Variants in PRH1 observed in about 807,000 individuals in gnomAD.
PRH1 encodes the protein proline rich protein HaeIII subfamily 1.
Under a neutral mutation model 7.9 loss-of-function variants are expected in PRH1, and 7 were observed. The observed-to-expected ratio is 0.89, with a 90% CI of 0.50 to 1.67. PRH1 has a LOEUF of 1.67. Ranked by LOEUF, PRH1 falls within the 40% of genes most tolerant of loss-of-function variation. The pLI is 0.00. For synonymous variants in PRH1, 45 were observed against 80.8 expected (o/e 0.56, Z 2.38); for missense variants, 109 against 223.6 (o/e 0.49, Z 3.27).
intron 2 of PRH1, among the ~76,000 whole-genome samples, chr12:10,913,511 T>C (rs1188052835): frequency 6.6e-6 from 1 of 152,212 alleles, no homozygotes; most frequent in African/African-American, 2.4e-5. Flanking sequence ...TTATTTTTGT[T>C]AGTGTTTTAT....
chr12:11,031,413 T>C, intron 1 of PRH1: 1 of 1,519,314 alleles, frequency 6.6e-7, no homozygotes. Context: ...GTTCGTGGTC[T>C]CCCTGACTTC....
upstream of PRH1, among the ~76,000 whole-genome samples, chr12:10,886,052 T>C (rs1195792231): frequency 6.6e-6 from 1 of 152,204 alleles, no homozygotes; most frequent in Non-Finnish European, 1.5e-5. Flanking sequence ...CATTCTTAAT[T>C]GGCAATTCTT....
intron 1 of PRH1, among the ~76,000 whole-genome samples, chr12:10,990,842 C>G (rs143257368): frequency 1.3e-5 from 2 of 152,050 alleles, no homozygotes; most frequent in Admixed American, 1.3e-4. Flanking sequence ...TTTGCTGATG[C>G]CTTAGAGATG....
Position 11,097,214 on chromosome 12 carries a change from T to C in PRH1, n.124-50026A>G, listed in dbSNP as rs528283290. ...ACAAATGAAGGACATCTGATATAAG[T>C]AGACTTTAAGTCCCATGGAAACAAA... is the stretch of plus-strand genomic sequence containing the variant. On this transcript the variant is annotated intron_variant and non_coding_transcript_variant, in intron 1 of 4. Transcript: ENST00000541977. 2.1e-4 allele frequency: 53 copies of C among 257,150 alleles called. 5 individuals are homozygous for C. In the East Asian group the frequency reaches 3.7e-3, roughly 18 times the overall value. 15.9% of individuals were successfully genotyped at this position (257,150 alleles called of 1,614,324 possible). A position where few individuals can be genotyped will look rare whatever the true frequency, so the allele number is the denominator to read the frequency against.
chr12:10,905,493 C>T lies in PRH1; in HGVS notation c.-58-21218G>A, dbSNP rs533875970. 7.9e-5 allele frequency among the ~76,000 whole-genome samples: 12 copies of T among 152,206 alleles called. 1 individual carries two copies. In the South Asian group the frequency reaches 2.5e-3, roughly 32 times the overall value. On this transcript the variant is annotated intron_variant, in intron 2 of 3. Coordinates refer to the PRH1 transcript ENST00000539853. The stretch of plus-strand genomic sequence containing the variant: ...CCAGCCTGGCCAACATGGTGAAACT[C>T]TGTCTCTACTAAAAATACAAAAATT...
chr12:11,047,339 C>A, upstream of PRH1: 1 of 206,666 alleles, frequency 4.8e-6, no homozygotes, highest in East Asian at 9.7e-5. Flanking sequence ...ATGTTTCATT[C>A]AATTGTGATC....
intron 1 of PRH1, 121 bp downstream of exon 1, chr12:10,884,033 T>A: frequency 8.6e-7 from 1 of 1,168,502 alleles, no homozygotes; most frequent in Non-Finnish European, 1.2e-6. Context: ...ATCCTCAGCA[T>A]GAGAACTCTG....
At chr12:10,934,253 C>T (rs1950254475) in intron 2 of PRH1, among the ~76,000 whole-genome samples, 1 of 152,132 alleles carries the variant, frequency 6.6e-6, no homozygotes. Context: ...CTCTTCACCA[C>T]AAGAGTTTGC....
At chr12:11,017,787 C>T (rs1002415789) in intron 1 of PRH1, among the ~76,000 whole-genome samples, 2 of 151,996 alleles carry the variant, frequency 1.3e-5, no homozygotes, top group African/African-American at 2.4e-5. Flanking sequence ...ACCACCATGC[C>T]GAGCAGAAAC....
At chr12:11,112,152 C>T (rs1249027205) in intron 1 of PRH1, among the ~76,000 whole-genome samples, 2 of 152,066 alleles carry the variant, frequency 1.3e-5, no homozygotes, top group Admixed American at 6.6e-5. Context: ...GAAACTGAGA[C>T]AGTAATTAAT....
At chr12:11,009,209 A>G (rs538099165) in intron 1 of PRH1, among the ~76,000 whole-genome samples, 2 of 151,986 alleles carry the variant, frequency 1.3e-5, no homozygotes, top group East Asian at 3.9e-4. Context: ...CCTTGGAAAC[A>G]CACTGAAGAT....
chr12:11,163,108 T>C (rs867366527), intron 1 of PRH1, among the ~76,000 whole-genome samples: 46 of 152,322 alleles, frequency 3.0e-4, no homozygotes, highest in African/African-American at 1.1e-3. Context: ...TAGTGTTCAC[T>C]TCAGCAGCAC....
chr12:11,049,654 A>G (rs771120545), upstream of PRH1, among the ~76,000 whole-genome samples: 1 of 152,218 alleles, frequency 6.6e-6, no homozygotes, highest in Non-Finnish European at 1.5e-5. Context: ...TGTGTCCAGC[A>G]TCGTCAGTTG....
chr12:11,020,100 GCTT>G (rs1039788123), intron 1 of PRH1, among the ~76,000 whole-genome samples: 4 of 152,336 alleles, frequency 2.6e-5, no homozygotes, highest in East Asian at 3.9e-4. Flanking sequence ...TCTGAGAAAT[GCTT>G]CTTCTTCAAA....
chr12:10,935,512 A>G lies in PRH1; in HGVS notation c.-59+38143T>C, dbSNP rs192268251. Among the ~76,000 whole-genome samples, 581 of 152,306 alleles carry G rather than the reference A, an allele frequency of 3.8e-3. 2 individuals are homozygous for G. The highest frequency in any genetic ancestry group is 6.0e-3 in the Non-Finnish European group (411 of 68,014). On this transcript the variant is annotated intron_variant, in intron 2 of 3. Coordinates refer to the PRH1 transcript ENST00000539853. ...CTCTTTGTTAAAGCCAGATAGGGACAATATTGAGAATGCAGAGGAACATCT... is the reference window on the plus strand; with the variant it reads ...CTCTTTGTTAAAGCCAGATAGGGACGATATTGAGAATGCAGAGGAACATCT...
chr12:11,062,271 A>G, intron 1 of PRH1: 1 of 1,537,352 alleles, frequency 6.5e-7, no homozygotes, highest in Non-Finnish European at 8.9e-7. Context: ...GAATGGAAAA[A>G]ATGATGGGCA....
intron 1 of PRH1, chr12:10,997,501 A>T (rs772284511): frequency 6.2e-6 from 10 of 1,613,878 alleles, no homozygotes; most frequent in Non-Finnish European, 8.5e-6. Context: ...CTACACTCTT[A>T]GCCTTCCTTT....
At chr12:10,981,656 G>A (rs553509390) in intron 1 of PRH1, among the ~76,000 whole-genome samples, 3 of 152,114 alleles carry the variant, frequency 2.0e-5, no homozygotes, top group South Asian at 4.2e-4. Flanking sequence ...TTACAGGCAT[G>A]AGCCACCGCA....
intron 1 of PRH1, chr12:10,997,371 T>G (rs1332674889): frequency 6.2e-7 from 1 of 1,614,148 alleles, no homozygotes; most frequent in Non-Finnish European, 8.5e-7. Context: ...ATTGCATTCC[T>G]CAGTTTGATC....
Sources: allele counts gnomAD v4.1 joint callset (sites outside exome capture counted in the v4.1 genomes callset), GRCh38; gene constraint gnomAD v4.1.1; transcripts MANE v1.5; gene names NCBI Gene and HGNC (gene_info 2026-07-23, HGNC 2026-07-21).